Variants in DIS3L2 observed in about 807,000 individuals in gnomAD.
DIS3L2 encodes the protein DIS3-like exonuclease 2.
A neutral mutation model predicts 97.5 loss-of-function variants in DIS3L2; 34 were observed. That is an observed-to-expected ratio of 0.35 (90% CI 0.27 to 0.46). DIS3L2 has a LOEUF of 0.46. Ranked by LOEUF, DIS3L2 falls within the 20% of genes least tolerant of loss-of-function variation. DIS3L2 has a pLI of 1.00. For missense variants in DIS3L2, 1,038 were observed against 1,146.0 expected (o/e 0.91, Z 1.36); for synonymous variants, 435 against 445.2 (o/e 0.98, Z 0.29).
intron 6 of DIS3L2, among the ~76,000 whole-genome samples, chr2:232,126,607 C>T (rs911544647): frequency 6.6e-6 from 1 of 152,246 alleles, no homozygotes; most frequent in African/African-American, 2.4e-5. Flanking sequence ...TAACAACACA[C>T]TTTCCCCAGA....
intron 14 of DIS3L2, among the ~76,000 whole-genome samples, chr2:232,302,374 C>G (rs1002022396): frequency 1.3e-5 from 2 of 150,388 alleles, no homozygotes; most frequent in Non-Finnish European, 2.9e-5. Flanking sequence ...TACCCTAGAA[C>G]TTAAAGTATA....
chr2:232,066,166 C>T (rs1257247246), intron 5 of DIS3L2, among the ~76,000 whole-genome samples: 1 of 151,858 alleles, frequency 6.6e-6, no homozygotes, highest in Non-Finnish European at 1.5e-5. Context: ...TACAAGAAAC[C>T]TTCACTATGA....
chr2:232,225,701 A>G (rs551207979), intron 10 of DIS3L2, among the ~76,000 whole-genome samples: 4 of 152,310 alleles, frequency 2.6e-5, no homozygotes, highest in African/African-American at 9.6e-5. Context: ...TAATGCTTGT[A>G]TACTTTATGT....
intron 9 of DIS3L2, 108 bp from the exon 10 acceptor site, chr2:232,210,218 C>T (rs1425969141): frequency 1.2e-6 from 1 of 824,802 alleles, no homozygotes; most frequent in Admixed American, 1.9e-5. Context: ...TTTCACTTTC[C>T]CTAACAGAGC....
chr2:232,103,116 T>C (rs1048877176), intron 6 of DIS3L2, among the ~76,000 whole-genome samples: 8 of 152,342 alleles, frequency 5.3e-5, no homozygotes, highest in African/African-American at 1.9e-4. Flanking sequence ...ATGACTTTTG[T>C]AAAAGTGAAA....
chr2:232,183,039 G>A (rs1253872823), intron 9 of DIS3L2, among the ~76,000 whole-genome samples: 1 of 152,128 alleles, frequency 6.6e-6, no homozygotes, highest in East Asian at 1.9e-4. Context: ...TTAAGTCAAG[G>A]GTAGAGCCCT....
intron 14 of DIS3L2, among the ~76,000 whole-genome samples, chr2:232,311,072 A>G (rs777958022): frequency 9.2e-5 from 14 of 152,208 alleles, no homozygotes; most frequent in Non-Finnish European, 1.8e-4. Flanking sequence ...CTGCTGAGCT[A>G]TGGTGCTCAG....
At chr2:232,086,615 A>ATATATG (rs1553606003) in intron 5 of DIS3L2, among the ~76,000 whole-genome samples, 1 of 54,546 alleles carries the variant, frequency 1.8e-5, no homozygotes, top group Non-Finnish European at 4.3e-5. Flanking sequence ...GTGTGTGTGT[A>ATATATG]TATATATATA....
At chr2:232,271,976 C>G (rs1458086480) in intron 13 of DIS3L2, among the ~76,000 whole-genome samples, 3 of 152,202 alleles carry the variant, frequency 2.0e-5, no homozygotes, top group Admixed American at 1.3e-4. Context: ...ATAAGCAACA[C>G]TAATTACAGC....
At chr2:232,113,027 T>C (rs1477195248) in intron 6 of DIS3L2, among the ~76,000 whole-genome samples, 6 of 151,856 alleles carry the variant, frequency 4.0e-5, no homozygotes, top group Admixed American at 3.3e-4. Flanking sequence ...AAATGGGCTG[T>C]GATGAGGTTT....
intron 14 of DIS3L2, 28 bp from the exon 15 acceptor site, chr2:232,329,785 T>TCCCCGGGCCCCCCCC: frequency 4.1e-6 from 4 of 967,140 alleles, no homozygotes; most frequent in Admixed American, 3.4e-5. Context: ...ACCCCAGCGG[T>TCCCCGGGCCCCCCCC]CCCTCCCATC....
chr2:232,329,789 T>TGGGGG, intron 14 of DIS3L2, 24 bp from the exon 15 acceptor site: 1 of 368,618 alleles, frequency 2.7e-6, no homozygotes, highest in Non-Finnish European at 5.1e-6. Context: ...CAGCGGTCCC[T>TGGGGG]CCCATCCCAC....
At chr2:232,076,747 T>C (rs1387416103) in intron 5 of DIS3L2, among the ~76,000 whole-genome samples, 1 of 152,192 alleles carries the variant, frequency 6.6e-6, no homozygotes, top group Non-Finnish European at 1.5e-5. Context: ...AATTTATCAT[T>C]ATTTTTCTTT....
At chr2:232,154,099 T>G (rs1204429752) in intron 8 of DIS3L2, among the ~76,000 whole-genome samples, 1 of 98,038 alleles carries the variant, frequency 1.0e-5, no homozygotes, top group African/African-American at 4.2e-5. Flanking sequence ...TAGTTATACA[T>G]TCTTCTAAAT....
At chr2:232,314,877 C>T (rs1208884405) in intron 14 of DIS3L2, among the ~76,000 whole-genome samples, 2 of 152,134 alleles carry the variant, frequency 1.3e-5, no homozygotes, top group Admixed American at 6.5e-5. Flanking sequence ...GACAGAGGGT[C>T]GGTGAGAATG....
chr2:232,309,532 GAT>G (rs1450182836), intron 14 of DIS3L2, among the ~76,000 whole-genome samples: 1 of 152,128 alleles, frequency 6.6e-6, no homozygotes, highest in Non-Finnish European at 1.5e-5. Context: ...GTTTTTTTGA[GAT>G]AGGATCTCAT....
At position 232,329,925 on chromosome 2, in the gene DIS3L2, C is replaced by T. The variant is rs1410808651; in HGVS notation, c.1852C>T (p.Leu618Phe). The stretch of plus-strand genomic sequence containing the variant: ...GCACCCCCCGCCCCAAACAAGGATG[C>T]TCAGTGACCTGGTGGAATTCTGCGA... ...RRHPPPQTRM[L>F]SDLVEFCDQM... Residue 618 changes from leucine to phenylalanine, a missense_variant, in exon 15 of 21, where the codon CTC becomes TTC. By Grantham distance (22) the Leu-to-Phe change is conservative. Transcript: ENST00000325385. 2.5e-6 allele frequency: 4 copies of T among 1,613,176 alleles called. No individual in the cohort carries two copies. The highest frequency in any genetic ancestry group is 2.2e-5 in the East Asian group (1 of 44,826).
At chr2:232,334,584 C>T in intron 18 of DIS3L2, 47 bp from the exon 19 acceptor site, 1 of 1,602,016 alleles carries the variant, frequency 6.2e-7, no homozygotes, top group Non-Finnish European at 8.5e-7. Flanking sequence ...CTCGAGGAGC[C>T]CAGGGCAGTG....
At chr2:232,226,915 G>A (rs1311009673) in intron 10 of DIS3L2, among the ~76,000 whole-genome samples, 1 of 151,976 alleles carries the variant, frequency 6.6e-6, no homozygotes, top group Non-Finnish European at 1.5e-5. Flanking sequence ...AGCTGCAGTG[G>A]GCCATGATCG....
Sources: allele counts gnomAD v4.1 joint callset (sites outside exome capture counted in the v4.1 genomes callset), GRCh38; gene constraint gnomAD v4.1.1; transcripts MANE v1.5; gene names NCBI Gene and HGNC (gene_info 2026-07-23, HGNC 2026-07-21).